EML4: variants seen among roughly 807,000 people sequenced by gnomAD.
The protein encoded by EML4 is EMAP like 4, also known as echinoderm microtubule-associated protein-like 4.
In EML4, 72 loss-of-function variants were observed where a neutral mutation model predicts 129.0. The observed-to-expected ratio is 0.56, with a 90% CI of 0.46 to 0.68. The LOEUF (loss-of-function observed/expected upper bound fraction) is 0.68. EML4 is among the 30% of genes least tolerant of loss of function. The pLI is 0.00. For synonymous variants in EML4, 532 were observed against 405.0 expected, an observed-to-expected ratio of 1.31 and a Z score of -3.77; for missense variants, 1,363 against 1,190.6, an observed-to-expected ratio of 1.14 and a Z score of -2.13.
chr2:42,287,512 C>T (rs1246321662), intron 10 of EML4, among the ~76,000 whole-genome samples: 8 of 152,142 alleles, frequency 5.3e-5, no homozygotes, highest in Non-Finnish European at 1.0e-4. Context: ...TGCCCTTCCT[C>T]AGTGCCTCTC....
At chr2:42,248,490 A>T (rs1339884409) in intron 2 of EML4, among the ~76,000 whole-genome samples, 1 of 152,192 alleles carries the variant, frequency 6.6e-6, no homozygotes, top group South Asian at 2.1e-4. Context: ...ACTATTCCCC[A>T]GGAACTTATT....
intron 8 of EML4, 89 bp downstream of exon 8, chr2:42,283,061 T>C: frequency 1.6e-6 from 2 of 1,212,538 alleles, no homozygotes; most frequent in Non-Finnish European, 2.3e-6. Flanking sequence ...AAGTGATTTC[T>C]TGTGGAAAGC....
At chr2:42,277,629 C>T (rs528450654) in intron 6 of EML4, among the ~76,000 whole-genome samples, 3 of 146,448 alleles carry the variant, frequency 2.0e-5, no homozygotes, top group Non-Finnish European at 3.0e-5. Flanking sequence ...AGTGCAGTGG[C>T]GTGATCTCGG....
chr2:42,198,114 A>G (rs1672002712), intron 1 of EML4, among the ~76,000 whole-genome samples: 2 of 152,194 alleles, frequency 1.3e-5, no homozygotes. Flanking sequence ...CCAGTTTGCT[A>G]CAGGTTAGGT....
At chr2:42,183,054 C>T (rs888237283) in intron 1 of EML4, among the ~76,000 whole-genome samples, 1 of 152,098 alleles carries the variant, frequency 6.6e-6, no homozygotes, top group African/African-American at 2.4e-5. Context: ...TATCAGGAGG[C>T]TGAGGTGGGG....
At chr2:42,317,885 C>T (rs975452816) in intron 19 of EML4, among the ~76,000 whole-genome samples, 2 of 152,176 alleles carry the variant, frequency 1.3e-5, no homozygotes, top group Admixed American at 1.3e-4. Context: ...CACCTCAACA[C>T]CCTACAACAT....
intron 1 of EML4, among the ~76,000 whole-genome samples, chr2:42,186,907 G>A (rs1671282122): frequency 6.6e-6 from 1 of 152,056 alleles, no homozygotes; most frequent in Admixed American, 6.6e-5. Flanking sequence ...TGAAGATACA[G>A]AACATTTTCA....
At position 42,223,819 on chromosome 2, in the gene EML4, A is replaced by G. The variant is rs140324836; in HGVS notation, c.26-21686A>G. On this transcript the variant is annotated intron_variant, in intron 1 of 22. Coordinates refer to ENST00000318522, the MANE Select transcript of EML4 (RefSeq NM_019063.5). ...AATGCTGGCTCTAGGCTATATTATG[A>G]AAAAGTTGAAGTTGCCCTTATCACT... Among the ~76,000 whole-genome samples, 236 of 152,260 alleles carry G rather than the reference A, an allele frequency of 1.5e-3. 3 individuals are homozygous for G. Among genetic ancestry groups the G allele is most frequent in the African/African-American group, 5.1e-3 (213 of 41,558 alleles).
At chr2:42,259,268 G>A (rs1386651987) in intron 3 of EML4, among the ~76,000 whole-genome samples, 1 of 151,402 alleles carries the variant, frequency 6.6e-6, no homozygotes, top group East Asian at 1.9e-4. Context: ...AGGGGGAGGG[G>A]GGCGGCAGAG....
At chr2:42,253,432 C>G (rs1415324141) in intron 2 of EML4, among the ~76,000 whole-genome samples, 1 of 152,102 alleles carries the variant, frequency 6.6e-6, no homozygotes. Context: ...GGAAATACTT[C>G]TTTCTAATGG....
At chr2:42,275,102 C>T (rs570486273) in intron 6 of EML4, among the ~76,000 whole-genome samples, 132 of 152,142 alleles carry the variant, frequency 8.7e-4, no homozygotes, top group African/African-American at 3.0e-3. Context: ...CAATGTATAA[C>T]GCATATGTAA....
intron 1 of EML4, among the ~76,000 whole-genome samples, chr2:42,174,925 A>T (rs1435152594): frequency 7.3e-6 from 1 of 136,862 alleles, no homozygotes; most frequent in Non-Finnish European, 1.6e-5. Context: ...TTAGGCAGTT[A>T]TCTGCCTCAG....
chr2:42,243,938 G>C (rs189653132), intron 1 of EML4, among the ~76,000 whole-genome samples: 32 of 152,252 alleles, frequency 2.1e-4, no homozygotes, highest in Non-Finnish European at 4.3e-4. Flanking sequence ...AATGATCTCA[G>C]TGTGGTCCAA....
intron 6 of EML4, among the ~76,000 whole-genome samples, chr2:42,265,498 C>T (rs561940410): frequency 2.1e-4 from 32 of 152,276 alleles, no homozygotes; most frequent in Non-Finnish European, 4.0e-4. Flanking sequence ...CCTCAGCCCC[C>T]CAAAATGCTG....
chr2:42,270,088 T>C (rs79858721), intron 6 of EML4, among the ~76,000 whole-genome samples: 1,941 of 152,330 alleles, frequency 0.013, 39 homozygotes, highest in African/African-American at 0.044. Flanking sequence ...AAATTTTTCC[T>C]GTTACCCTGA....
intron 2 of EML4, among the ~76,000 whole-genome samples, chr2:42,255,938 A>T (rs1044692925): frequency 6.6e-6 from 1 of 152,252 alleles, no homozygotes; most frequent in Non-Finnish European, 1.5e-5. Flanking sequence ...CTTGACTCTT[A>T]GTATAGATAG....
intron 1 of EML4, among the ~76,000 whole-genome samples, chr2:42,239,770 CG>C (rs375569229): frequency 1.8e-4 from 5 of 28,154 alleles, no homozygotes; most frequent in Non-Finnish European, 3.5e-4. Flanking sequence ...ATAAAGGCGG[CG>C]GGGGGTGGGG....
At chr2:42,170,930 T>C (rs578078350) in intron 1 of EML4, among the ~76,000 whole-genome samples, 1 of 152,374 alleles carries the variant, frequency 6.6e-6, no homozygotes, top group Non-Finnish European at 1.5e-5. Flanking sequence ...GGGCCTATTA[T>C]AGATATTAAA....
intron 13 of EML4, among the ~76,000 whole-genome samples, chr2:42,297,132 A>T (rs1298812960): frequency 2.0e-5 from 3 of 152,190 alleles, no homozygotes; most frequent in Non-Finnish European, 4.4e-5. Flanking sequence ...TACACACGAG[A>T]AGAATGGCAG....
Sources: gnomAD v4.1 joint callset for allele counts (sites outside exome capture counted in the v4.1 genomes callset) on GRCh38, gnomAD v4.1.1 for gene constraint, MANE v1.5 for transcripts, NCBI Gene and HGNC (gene_info 2026-07-23, HGNC 2026-07-21) for gene names.